Variants in TRPM3 observed in about 807,000 individuals in gnomAD.
The protein encoded by TRPM3 is transient receptor potential cation channel subfamily M member 3, also known as long transient receptor potential channel 3.
Under a neutral mutation model 181.2 loss-of-function variants are expected in TRPM3, and 77 were observed. That is an observed-to-expected ratio of 0.42 (90% CI 0.35 to 0.51). The LOEUF is 0.51. Ranked by LOEUF, TRPM3 falls within the 20% of genes least tolerant of loss-of-function variation. TRPM3 has a pLI of 0.01. For synonymous variants in TRPM3, 745 were observed against 796.4 expected, an observed-to-expected ratio of 0.94 and a Z score of 1.09; for missense variants, 1,759 against 2,196.7, an observed-to-expected ratio of 0.80 and a Z score of 3.98.
intron 1 of TRPM3, among the ~76,000 whole-genome samples, chr9:71,096,590 ACTCTCTCTCTCT>A (rs71367255): frequency 2.2e-5 from 2 of 89,998 alleles, no homozygotes; most frequent in Non-Finnish European, 2.0e-5. Flanking sequence ...ACACACACAC[ACTCTCTCTCTCT>A]CTCTCTCTCT....
intron 6 of TRPM3, among the ~76,000 whole-genome samples, chr9:70,820,422 T>C (rs1025714430): frequency 1.3e-5 from 2 of 152,186 alleles, no homozygotes; most frequent in African/African-American, 4.8e-5. Context: ...AGTCTCGCTC[T>C]TGTTGCCCAG....
intron 1 of TRPM3, among the ~76,000 whole-genome samples, chr9:71,407,969 T>C (rs1368295175): frequency 1.3e-5 from 2 of 152,160 alleles, no homozygotes; most frequent in East Asian, 1.9e-4. Context: ...GGGCCCGGAG[T>C]GGACCTCCAG....
At chr9:70,616,766 G>A (rs1036287427) in intron 17 of TRPM3, among the ~76,000 whole-genome samples, 1 of 152,118 alleles carries the variant, frequency 6.6e-6, no homozygotes, top group African/African-American at 2.4e-5. Flanking sequence ...AGCCCCAGGA[G>A]AAGCCAGCGC....
chr9:70,934,300 A>G (rs1458605187), intron 1 of TRPM3, among the ~76,000 whole-genome samples: 4 of 152,124 alleles, frequency 2.6e-5, no homozygotes, highest in South Asian at 2.1e-4. Context: ...GTGGCCTAAG[A>G]GTTGTGGCAT....
chr9:70,659,417 C>T (rs1434068703), intron 9 of TRPM3, among the ~76,000 whole-genome samples: 1 of 152,054 alleles, frequency 6.6e-6, no homozygotes, highest in Non-Finnish European at 1.5e-5. Flanking sequence ...GGTACAAATC[C>T]ATGGCTGGGT....
At position 71,096,590 on chromosome 9, in the gene TRPM3, A is replaced by ACT. The variant is rs71367255; in HGVS notation, c.177+24586_177+24587dup. Among the ~76,000 whole-genome samples the ACT allele has an allele frequency of 4.1e-3, 368 of 90,016 alleles. 3 individuals are homozygous for ACT. In the Middle Eastern group the frequency reaches 0.048, roughly 12 times the overall value. The allele number at this position is 90,016 out of a possible 152,430, so 59.1% of individuals were successfully genotyped here. Reference sequence around the variant, plus strand: ...CACACACACACACACACACACACACACTCTCTCTCTCTCTCTCTCTCTCTC... The same window carrying ACT: ...CACACACACACACACACACACACACACTCTCTCTCTCTCTCTCTCTCTCTCTC... On this transcript the variant is annotated intron_variant, in intron 1 of 25. Coordinates refer to ENST00000677713, the MANE Select transcript of TRPM3 (RefSeq NM_001366145.2).
chr9:71,387,129 A>G (rs1486746475), intron 1 of TRPM3, among the ~76,000 whole-genome samples: 1 of 152,208 alleles, frequency 6.6e-6, no homozygotes, highest in Admixed American at 6.5e-5. Context: ...GTTAGAAGGA[A>G]TAAATTAGAC....
chr9:70,602,629 G>T (rs1439129263), intron 20 of TRPM3, among the ~76,000 whole-genome samples: 1 of 152,164 alleles, frequency 6.6e-6, no homozygotes, highest in Non-Finnish European at 1.5e-5. Flanking sequence ...ACATTGAGTG[G>T]GGCTGCAGAG....
At chr9:70,796,540 C>T (rs2087077463) in intron 6 of TRPM3, among the ~76,000 whole-genome samples, 1 of 152,170 alleles carries the variant, frequency 6.6e-6, no homozygotes, top group South Asian at 2.1e-4. Flanking sequence ...AAGACATTCT[C>T]ATTGTGTGTT....
Position 70,815,124 on chromosome 9 carries a change from T to C in TRPM3, c.973+12723A>G, listed in dbSNP as rs892255693. Among the ~76,000 whole-genome samples the C allele has an allele frequency of 3.3e-5, 5 of 152,060 alleles. 1 individual carries two copies. The highest frequency in any genetic ancestry group is 3.3e-4 in the Admixed American group (5 of 15,252). On this transcript the variant is annotated intron_variant, in intron 6 of 25. Coordinates refer to ENST00000677713, the MANE Select transcript of TRPM3 (RefSeq NM_001366145.2). ...GTATATATATGTAATTTTAAGAAAA[T>C]ATAATATGATTATACTGAACATACA...
At chr9:71,041,558 T>C (rs1286679297) in intron 1 of TRPM3, among the ~76,000 whole-genome samples, 1 of 152,096 alleles carries the variant, frequency 6.6e-6, no homozygotes, top group Non-Finnish European at 1.5e-5. Context: ...CTTGGCAATG[T>C]CCAAATCGAT....
chr9:70,660,454 C>T (rs1489724056), intron 9 of TRPM3, among the ~76,000 whole-genome samples: 1 of 152,042 alleles, frequency 6.6e-6, no homozygotes, highest in Non-Finnish European at 1.5e-5. Context: ...CTTCCTGGAC[C>T]AAACCAATTT....
chr9:71,182,262 T>C (rs1417466629), intron 1 of TRPM3, among the ~76,000 whole-genome samples: 1 of 152,142 alleles, frequency 6.6e-6, no homozygotes, highest in East Asian at 1.9e-4. Context: ...TATATGTGTG[T>C]GCACATGACA....
intron 1 of TRPM3, among the ~76,000 whole-genome samples, chr9:71,324,647 A>G (rs2089515371): frequency 6.6e-6 from 1 of 152,096 alleles, no homozygotes; most frequent in Non-Finnish European, 1.5e-5. Context: ...CAATTAATAT[A>G]TCAAAAGGAT....
At chr9:70,876,489 TTAAA>T (rs1201715433) in intron 1 of TRPM3, among the ~76,000 whole-genome samples, 2 of 151,432 alleles carry the variant, frequency 1.3e-5, no homozygotes, top group Non-Finnish European at 2.9e-5. Flanking sequence ...ATTATAAAAA[TTAAA>T]TAATTAAAAT....
intron 1 of TRPM3, among the ~76,000 whole-genome samples, chr9:71,404,799 T>C (rs1183484068): frequency 6.6e-6 from 1 of 152,174 alleles, no homozygotes; most frequent in East Asian, 1.9e-4. Context: ...CCTAATTTCT[T>C]CTGCTTTGTC....
chr9:71,036,077 T>G (rs1339907519), intron 1 of TRPM3, among the ~76,000 whole-genome samples: 2 of 150,384 alleles, frequency 1.3e-5, no homozygotes, highest in Non-Finnish European at 2.9e-5. Context: ...GATCTGGAAA[T>G]GGAAGATTAC....
intron 7 of TRPM3, among the ~76,000 whole-genome samples, chr9:70,772,302 T>C (rs868620159): frequency 1.3e-5 from 2 of 148,914 alleles, no homozygotes; most frequent in South Asian, 4.3e-4. Flanking sequence ...ATATGGAAGA[T>C]CTCTGTCATC....
At position 70,531,594 on chromosome 9, in the gene TRPM3, C is replaced by T. The variant is rs530845412; in HGVS notation, c.*4359G>A. ...TGCAATATCTAGGCCAAATATATAA[C>T]CACCTACACACTAGTATCACTTTAT... On this transcript the variant is annotated 3_prime_UTR_variant, in exon 26 of 26. Coordinates refer to ENST00000677713, the MANE Select transcript of TRPM3 (RefSeq NM_001366145.2). The T allele has an allele frequency of 7.8e-4, 119 of 152,216 alleles. No individual in the cohort carries two copies. The highest frequency in any genetic ancestry group is 2.5e-3 in the African/African-American group (102 of 41,528). 9.4% of individuals were successfully genotyped at this position (152,216 alleles called of 1,614,324 possible). A position where few individuals can be genotyped will look rare whatever the true frequency, so the allele number is the denominator to read the frequency against.
Sources: allele counts gnomAD v4.1 joint callset (sites outside exome capture counted in the v4.1 genomes callset), GRCh38; gene constraint gnomAD v4.1.1; transcripts MANE v1.5; gene names NCBI Gene and HGNC (gene_info 2026-07-23, HGNC 2026-07-21).